Variants in PLEKHG5 observed in about 807,000 individuals in gnomAD.
PLEKHG5 encodes pleckstrin homology and RhoGEF domain containing G5.
A neutral mutation model predicts 103.8 loss-of-function variants in PLEKHG5; 52 were observed. The ratio of observed to expected loss-of-function variants is 0.50; its 90% CI spans 0.40 to 0.63. The LOEUF is 0.63. Among genes scored for constraint, PLEKHG5 ranks in the 30% least tolerant of loss-of-function variants. The pLI is 0.00. For missense variants in PLEKHG5, 1,205 were observed against 1,347.6 expected (o/e 0.89, Z 1.66); for synonymous variants, 592 against 575.5 (o/e 1.03, Z -0.41).
rs748476669 is a variant in PLEKHG5 at position 6,474,090 on chromosome 1, G to A, written c.514C>T (p.Leu172=). The part of the protein sequence containing the change: ...KDSKSLSLPI[L]RPAGTGPPAL... ...GGGGGCCCGGTCCCAGCTGGCCGCA[G>A]AATCGGCAAACTCAGGGACTTGGAG... The change falls in exon 7 of 21, where the codon CTG becomes TTG. Residue 172 remains leucine, a synonymous_variant. Coordinates refer to ENST00000377728, the MANE Select transcript of PLEKHG5 (RefSeq NM_020631.6). 6.2e-7 allele frequency: 1 copy of A among 1,613,126 alleles called. No homozygotes were observed. Among genetic ancestry groups the A allele is most frequent in the Non-Finnish European group, 8.5e-7 (1 of 1,179,820 alleles).
intron 10 of PLEKHG5, among the ~76,000 whole-genome samples, 174 bp downstream of exon 10, chr1:6,472,353 C>G (rs1409606570): frequency 1.3e-5 from 2 of 152,234 alleles, no homozygotes; most frequent in African/African-American, 4.8e-5. Flanking sequence ...CCCGAAGCCC[C>G]CTCCCAGGTT....
At chr1:6,474,898 ACCAGCACG>A (rs1232723580) in intron 5 of PLEKHG5, 141 bp downstream of exon 5, 1 of 757,580 alleles carries the variant, frequency 1.3e-6, no homozygotes, top group African/African-American at 1.7e-5. Flanking sequence ...TGGCGTGCAC[ACCAGCACG>A]GGTCTGCCCA....
intron 2 of PLEKHG5, among the ~76,000 whole-genome samples, chr1:6,476,422 A>T (rs1387414862): frequency 8.5e-5 from 13 of 152,154 alleles, no homozygotes; most frequent in African/African-American, 3.1e-4. Context: ...CAAACTCCTG[A>T]CCTGAAGTGA....
chr1:6,517,953 G>T (rs1242890144), intron 1 of PLEKHG5, among the ~76,000 whole-genome samples: 1 of 152,000 alleles, frequency 6.6e-6, no homozygotes, highest in Non-Finnish European at 1.5e-5. Flanking sequence ...ATTTTTTTGA[G>T]ACAGAGTCTC....
Position 6,483,412 on chromosome 1 carries a change from T to C in PLEKHG5, c.-87-5754A>G, listed in dbSNP as rs149627683. On this transcript the variant is annotated intron_variant, in intron 1 of 20. Coordinates refer to ENST00000377728, the MANE Select transcript of PLEKHG5 (RefSeq NM_020631.6). Reference sequence around the variant, plus strand: ...GTGATGGGATTGATCCCTCAACCCCTGCAGCTCTTTCTGGTTTCTGTCTTA... The same window carrying C: ...GTGATGGGATTGATCCCTCAACCCCCGCAGCTCTTTCTGGTTTCTGTCTTA... 4.9e-3 allele frequency among the ~76,000 whole-genome samples: 754 copies of C among 152,344 alleles called. 5 individuals are homozygous for C. Among genetic ancestry groups the C allele is most frequent in the African/African-American group, 0.017 (707 of 41,576 alleles).
chr1:6,472,698 A>G, intron 9 of PLEKHG5, 76 bp from the exon 10 acceptor site: 1 of 1,035,432 alleles, frequency 9.7e-7, no homozygotes, highest in Non-Finnish European at 1.5e-6. Context: ...AGCAACCTGC[A>G]TGCAACTCTC....
rs1311278122 is a variant in PLEKHG5, at chr1:6,471,473, C to A, written c.1281+15G>T. 1 of 1,607,442 alleles carries A rather than the reference C, an allele frequency of 6.2e-7. No homozygotes were observed. Among genetic ancestry groups the A allele is most frequent in the Admixed American group, 1.7e-5 (1 of 59,692 alleles). Reference sequence around the variant, plus strand: ...CTGCCTCAGTGCCCCCGCCTGCGCCCGGCCCCGCCCGTACCATCTTGAAGC... The same window carrying A: ...CTGCCTCAGTGCCCCCGCCTGCGCCAGGCCCCGCCCGTACCATCTTGAAGC... On this transcript the variant is annotated intron_variant, in intron 12 of 20. Transcript: ENST00000377728.
intron 1 of PLEKHG5, among the ~76,000 whole-genome samples, chr1:6,516,922 A>ACACACACACC (rs1553180763): frequency 2.1e-5 from 3 of 140,910 alleles, no homozygotes; most frequent in African/African-American, 8.0e-5. Context: ...ACACACACAC[A>ACACACACACC]CACATGTACA....
intron 7 of PLEKHG5, 124 bp from the exon 8 acceptor site, chr1:6,473,578 G>C (rs1383767102): frequency 2.8e-6 from 2 of 720,806 alleles, no homozygotes; most frequent in African/African-American, 1.8e-5. Context: ...CTCTACCCTG[G>C]GGTGTCCCCT....
At chr1:6,504,369 C>G (rs1638243100) in intron 1 of PLEKHG5, among the ~76,000 whole-genome samples, 1 of 152,124 alleles carries the variant, frequency 6.6e-6, no homozygotes, top group Admixed American at 6.5e-5. Flanking sequence ...CATGTCCTGC[C>G]CTCCCTGCCT....
intron 1 of PLEKHG5, among the ~76,000 whole-genome samples, chr1:6,511,597 C>T (rs913245387): frequency 2.0e-5 from 3 of 152,180 alleles, no homozygotes; most frequent in African/African-American, 7.2e-5. Context: ...CCAGACAGGC[C>T]TTTCTCCAAT....
chr1:6,485,602 C>A, intron 1 of PLEKHG5: 1 of 667,268 alleles, frequency 1.5e-6, no homozygotes, highest in Non-Finnish European at 2.1e-6. Flanking sequence ...GCGGACACCT[C>A]CCTCCCGCCC....
intron 1 of PLEKHG5, among the ~76,000 whole-genome samples, chr1:6,488,661 G>A (rs1569953205): frequency 6.6e-6 from 1 of 152,068 alleles, no homozygotes; most frequent in Non-Finnish European, 1.5e-5. Context: ...CCTGTACCAG[G>A]GCAGTGGGGT....
intron 3 of PLEKHG5, 143 bp from the exon 4 acceptor site, chr1:6,475,665 A>G: frequency 8.8e-6 from 7 of 793,474 alleles, no homozygotes; most frequent in South Asian, 6.9e-5. Context: ...CCAGGCCCGC[A>G]TAGGGCTGTG....
At chr1:6,514,884 A>G (rs1413813297) in intron 1 of PLEKHG5, among the ~76,000 whole-genome samples, 3 of 151,748 alleles carry the variant, frequency 2.0e-5, no homozygotes, top group African/African-American at 4.8e-5. Context: ...CCTGGCCAAC[A>G]TAGTGAAACC....
chr1:6,493,305 T>G (rs1645178074), upstream of PLEKHG5, among the ~76,000 whole-genome samples: 1 of 152,240 alleles, frequency 6.6e-6, no homozygotes, highest in Admixed American at 6.5e-5. Flanking sequence ...CTTTGTTCTC[T>G]GGAGATCTCC....
chr1:6,504,035 C>T (rs1346814915), intron 1 of PLEKHG5, among the ~76,000 whole-genome samples: 4 of 152,298 alleles, frequency 2.6e-5, no homozygotes, highest in South Asian at 4.1e-4. Context: ...TGAGTGGGGG[C>T]GAGAGGTGGG....
At chr1:6,472,741 G>T in intron 9 of PLEKHG5, 119 bp from the exon 10 acceptor site, 2 of 805,080 alleles carry the variant, frequency 2.5e-6, no homozygotes, top group Non-Finnish European at 4.2e-6. Context: ...GGTCCCAAGA[G>T]GAGCAGGGTC....
At chr1:6,485,186 A>T in intron 1 of PLEKHG5, 1 of 557,420 alleles carries the variant, frequency 1.8e-6, no homozygotes. Flanking sequence ...CTCGGCCGCC[A>T]TGGGCCGCAT....
Sources: gnomAD v4.1 joint callset for allele counts (sites outside exome capture counted in the v4.1 genomes callset) on GRCh38, gnomAD v4.1.1 for gene constraint, MANE v1.5 for transcripts, NCBI Gene and HGNC (gene_info 2026-07-23, HGNC 2026-07-21) for gene names.